Variants in SCAPER observed in about 807,000 individuals in gnomAD.
SCAPER encodes the protein S phase cyclin A-associated protein in the endoplasmic reticulum.
A neutral mutation model predicts 182.2 loss-of-function variants in SCAPER; 98 were observed. That is an observed-to-expected ratio of 0.54 (90% CI 0.46 to 0.64). The LOEUF (loss-of-function observed/expected upper bound fraction) is 0.64. Among genes scored for constraint, SCAPER ranks in the 30% least tolerant of loss-of-function variants. The pLI is 0.00. For missense variants in SCAPER, 1,432 were observed against 1,690.0 expected, an observed-to-expected ratio of 0.85 and a Z score of 2.68; for synonymous variants, 605 against 564.6, an observed-to-expected ratio of 1.07 and a Z score of -1.01.
chr15:76,689,095 G>A (rs1168698244), intron 20 of SCAPER, among the ~76,000 whole-genome samples: 3 of 151,786 alleles, frequency 2.0e-5, no homozygotes, highest in Non-Finnish European at 2.9e-5. Context: ...TGATCCGCCC[G>A]CCTCAGCCTT....
intron 22 of SCAPER, among the ~76,000 whole-genome samples, chr15:76,587,647 A>C (rs967338506): frequency 6.6e-6 from 1 of 152,190 alleles, no homozygotes; most frequent in Non-Finnish European, 1.5e-5. Context: ...CTGACAGAGT[A>C]CATGATATAA....
intron 15 of SCAPER, among the ~76,000 whole-genome samples, chr15:76,743,769 C>A (rs1307412790): frequency 6.6e-6 from 1 of 151,966 alleles, no homozygotes; most frequent in Non-Finnish European, 1.5e-5. Flanking sequence ...GCATTCTTCA[C>A]AAAATTAGAA....
chr15:76,714,058 T>A (rs1345736725), intron 17 of SCAPER, among the ~76,000 whole-genome samples: 5 of 151,824 alleles, frequency 3.3e-5, no homozygotes, highest in African/African-American at 1.2e-4. Flanking sequence ...ATTTTTTTTT[T>A]AAAAGAGCAA....
intron 21 of SCAPER, among the ~76,000 whole-genome samples, chr15:76,639,800 C>G (rs1309523280): frequency 6.6e-6 from 1 of 151,492 alleles, no homozygotes; most frequent in Admixed American, 6.6e-5. Flanking sequence ...AACTATACCA[C>G]TTAAAAGTTG....
At chr15:76,800,199 G>A (rs746129114) in intron 7 of SCAPER, 49 bp downstream of exon 7, 1 of 1,025,948 alleles carries the variant, frequency 9.7e-7, no homozygotes, top group African/African-American at 1.7e-5. Context: ...TAATAACTAA[G>A]AAAATAATTT....
At chr15:76,885,988 T>C (rs377666195) in intron 1 of SCAPER, among the ~76,000 whole-genome samples, 2 of 152,232 alleles carry the variant, frequency 1.3e-5, no homozygotes, top group East Asian at 3.8e-4. Flanking sequence ...CATTTTGGTA[T>C]ATTGATTTCC....
intron 10 of SCAPER, among the ~76,000 whole-genome samples, chr15:76,769,764 A>T (rs1363057901): frequency 6.6e-6 from 1 of 152,108 alleles, no homozygotes; most frequent in Non-Finnish European, 1.5e-5. Flanking sequence ...TGGGAGTGTA[A>T]ATTAGTTCAA....
At chr15:76,536,926 G>C (rs1341577788) in intron 23 of SCAPER, among the ~76,000 whole-genome samples, 2 of 151,368 alleles carry the variant, frequency 1.3e-5, no homozygotes, top group East Asian at 3.9e-4. Context: ...ACCAATAACA[G>C]ACAAACAGAG....
At chr15:76,470,229 AC>A (rs1359866894) in intron 25 of SCAPER, among the ~76,000 whole-genome samples, 3 of 152,172 alleles carry the variant, frequency 2.0e-5, no homozygotes, top group African/African-American at 7.2e-5. Context: ...GATAGTGATA[AC>A]TTACTTCCTG....
chr15:76,892,850 T>C (rs1218044615), intron 1 of SCAPER, among the ~76,000 whole-genome samples: 3 of 152,172 alleles, frequency 2.0e-5, no homozygotes, highest in African/African-American at 7.2e-5. Context: ...TAAATCATGC[T>C]ACTATAAAGA....
intron 1 of SCAPER, among the ~76,000 whole-genome samples, chr15:76,889,409 T>C (rs559774505): frequency 6.6e-6 from 1 of 152,274 alleles, no homozygotes; most frequent in African/African-American, 2.4e-5. Flanking sequence ...CCCATCAGTG[T>C]GCTGTATTCA....
chr15:76,664,934 T>C (rs932694680), intron 21 of SCAPER, among the ~76,000 whole-genome samples: 20 of 152,202 alleles, frequency 1.3e-4, no homozygotes, highest in Admixed American at 8.5e-4. Flanking sequence ...ACGTTCTATA[T>C]TCCTATAATC....
chr15:76,602,368 G>T (rs1291848227), intron 22 of SCAPER, among the ~76,000 whole-genome samples: 1 of 120,872 alleles, frequency 8.3e-6, no homozygotes, highest in Admixed American at 9.5e-5. Flanking sequence ...CATTTTTGAA[G>T]TATAACTTTG....
At chr15:76,530,325 G>A (rs1638727936) in intron 23 of SCAPER, among the ~76,000 whole-genome samples, 5 of 152,120 alleles carry the variant, frequency 3.3e-5, no homozygotes, top group Admixed American at 2.6e-4. Context: ...ATGACCACAT[G>A]ACTCCTTGGT....
At chr15:76,612,731 T>C (rs1597687014) in intron 22 of SCAPER, among the ~76,000 whole-genome samples, 1 of 152,134 alleles carries the variant, frequency 6.6e-6, no homozygotes, top group African/African-American at 2.4e-5. Flanking sequence ...AAAATATCTC[T>C]ACAAGGAGAA....
chr15:76,702,261 G>GCTTT (rs10642453), intron 19 of SCAPER, among the ~76,000 whole-genome samples: 4,040 of 152,094 alleles, frequency 0.027, 183 homozygotes, highest in African/African-American at 0.091. Context: ...TGAAAATGTT[G>GCTTT]CTTTTTTTTT....
chr15:76,569,633 C>A (rs1042626539), intron 23 of SCAPER, among the ~76,000 whole-genome samples: 4 of 152,012 alleles, frequency 2.6e-5, no homozygotes, highest in African/African-American at 9.7e-5. Flanking sequence ...ACTTCAAATA[C>A]TTCTCTCTTC....
chr15:76,657,600 A>AAG (rs1555521636), intron 21 of SCAPER, among the ~76,000 whole-genome samples: 17 of 150,758 alleles, frequency 1.1e-4, no homozygotes, highest in Non-Finnish European at 1.3e-4. Context: ...AAAAAAAAAA[A>AAG]AAAGAAAGAA....
chr15:76,846,276 GGTCT>G (rs1191631224), intron 4 of SCAPER, among the ~76,000 whole-genome samples: 2 of 151,942 alleles, frequency 1.3e-5, no homozygotes, highest in Non-Finnish European at 2.9e-5. Context: ...CCAGGACACT[GGTCT>G]GGGCAAAAAT....
Sources: gnomAD v4.1 joint callset for allele counts (sites outside exome capture counted in the v4.1 genomes callset) on GRCh38, gnomAD v4.1.1 for gene constraint, MANE v1.5 for transcripts, NCBI Gene and HGNC (gene_info 2026-07-23, HGNC 2026-07-21) for gene names.